Variants in CABCOCO1 observed in about 807,000 individuals in gnomAD.
The protein encoded by CABCOCO1 is ciliary-associated calcium-binding coiled-coil protein 1.
A neutral mutation model predicts 35.7 loss-of-function variants in CABCOCO1; 28 were observed. That is an observed-to-expected ratio of 0.78 (90% CI 0.58 to 1.07). The LOEUF is 1.07. Ranked by LOEUF, CABCOCO1 falls within the 50% of genes least tolerant of loss-of-function variation. The pLI is 0.00. For missense variants in CABCOCO1, 326 were observed against 309.2 expected, an observed-to-expected ratio of 1.05 and a Z score of -0.41; for synonymous variants, 95 against 100.1, an observed-to-expected ratio of 0.95 and a Z score of 0.30.
chr10:61,678,710 C>G (rs969860625), intron 2 of CABCOCO1, among the ~76,000 whole-genome samples: 8 of 152,214 alleles, frequency 5.3e-5, no homozygotes, highest in Admixed American at 2.0e-4. Context: ...CTTATTCACT[C>G]TTTCTTATTT....
At chr10:61,720,069 G>C (rs1039864747) in intron 5 of CABCOCO1, among the ~76,000 whole-genome samples, 2 of 152,022 alleles carry the variant, frequency 1.3e-5, no homozygotes, top group Non-Finnish European at 1.5e-5. Context: ...AGAACGAATG[G>C]AATAAAAAAT....
intron 5 of CABCOCO1, among the ~76,000 whole-genome samples, chr10:61,707,528 GGGA>G (rs1840623207): frequency 6.6e-6 from 1 of 152,136 alleles, no homozygotes; most frequent in South Asian, 2.1e-4. Flanking sequence ...TCCCTTATTG[GGGA>G]GGTTTTCATC....
intron 5 of CABCOCO1, among the ~76,000 whole-genome samples, chr10:61,755,268 T>C (rs964759203): frequency 6.6e-6 from 1 of 152,154 alleles, no homozygotes; most frequent in Non-Finnish European, 1.5e-5. Flanking sequence ...ATGTGCCATA[T>C]ATTGTGGGCA....
intron 7 of CABCOCO1, among the ~76,000 whole-genome samples, chr10:61,762,000 C>T (rs115846950): frequency 4.1e-4 from 62 of 152,166 alleles, no homozygotes; most frequent in African/African-American, 1.5e-3. Context: ...ACGTTTTACA[C>T]AAAGCTTTAT....
intron 5 of CABCOCO1, among the ~76,000 whole-genome samples, chr10:61,750,702 C>T (rs1841762470): frequency 6.6e-6 from 1 of 152,180 alleles, no homozygotes; most frequent in Admixed American, 6.5e-5. Context: ...TGCACTGATG[C>T]AACAATACAA....
intron 5 of CABCOCO1, among the ~76,000 whole-genome samples, chr10:61,715,020 T>C (rs200734481): frequency 6.6e-6 from 1 of 152,220 alleles, no homozygotes; most frequent in East Asian, 1.9e-4. Flanking sequence ...TGCAGATGTT[T>C]ATTAGGTCTG....
chr10:61,739,907 G>A (rs1318099212), intron 5 of CABCOCO1, among the ~76,000 whole-genome samples: 4 of 152,064 alleles, frequency 2.6e-5, no homozygotes, highest in Admixed American at 1.3e-4. Context: ...GCACCACTGC[G>A]CTCCAGCCTG....
intron 3 of CABCOCO1, among the ~76,000 whole-genome samples, chr10:61,682,889 C>CTTTTTTTTTTTTTTTT (rs71018993): frequency 7.8e-6 from 1 of 128,182 alleles, no homozygotes; most frequent in Non-Finnish European, 1.6e-5. Flanking sequence ...ACATGAATTT[C>CTTTTTTTTTTTTTTTT]TTTTTTTTTT....
chr10:61,693,280 C>A (rs1840203330), intron 5 of CABCOCO1, among the ~76,000 whole-genome samples: 1 of 152,066 alleles, frequency 6.6e-6, no homozygotes, highest in African/African-American at 2.4e-5. Flanking sequence ...ACCCTTGGTA[C>A]AAATACCTGT....
intron 5 of CABCOCO1, among the ~76,000 whole-genome samples, chr10:61,740,750 A>G (rs1027164193): frequency 6.6e-5 from 10 of 152,226 alleles, no homozygotes; most frequent in African/African-American, 2.2e-4. Context: ...ATAGTGGAAT[A>G]TGAAACGAAC....
chr10:61,732,517 T>C (rs768171641), intron 5 of CABCOCO1, among the ~76,000 whole-genome samples: 2 of 152,100 alleles, frequency 1.3e-5, no homozygotes, highest in Non-Finnish European at 2.9e-5. Context: ...CCTGCTGATA[T>C]AGCCCACTTT....
chr10:61,726,557 C>G (rs554995115), intron 5 of CABCOCO1, among the ~76,000 whole-genome samples: 2 of 151,516 alleles, frequency 1.3e-5, no homozygotes, highest in South Asian at 4.2e-4. Flanking sequence ...ACTTGTATTG[C>G]TTGAACTCTT....
rs543805565 is a variant in CABCOCO1, at chr10:61,665,081, A to C, written c.60+2049A>C. On this transcript the variant is annotated intron_variant, in intron 1 of 7. Coordinates refer to ENST00000648843, the MANE Select transcript of CABCOCO1 (RefSeq NM_001366906.2). Reference sequence around the variant, plus strand: ...TTCTTGCCAAGTCTGTCAGAAATAAATCATAAGCTTTCAGTAGTCTGACGT... The same window carrying C: ...TTCTTGCCAAGTCTGTCAGAAATAACTCATAAGCTTTCAGTAGTCTGACGT... Among the ~76,000 whole-genome samples, 6 of 152,334 alleles carry C rather than the reference A, an allele frequency of 3.9e-5. No homozygotes were observed. In the East Asian group the frequency reaches 9.6e-4, roughly 24 times the overall value.
intron 5 of CABCOCO1, among the ~76,000 whole-genome samples, chr10:61,704,541 T>C (rs966920974): frequency 2.6e-5 from 4 of 152,142 alleles, no homozygotes; most frequent in African/African-American, 9.7e-5. Flanking sequence ...CCTCCTCTAA[T>C]TGATCCCTGA....
chr10:61,713,756 T>C (rs1840789986), intron 5 of CABCOCO1, among the ~76,000 whole-genome samples: 1 of 152,358 alleles, frequency 6.6e-6, no homozygotes, highest in Non-Finnish European at 1.5e-5. Context: ...TTTCTGCATC[T>C]ATTGAGATAA....
At chr10:61,720,118 A>G (rs953021410) in intron 5 of CABCOCO1, among the ~76,000 whole-genome samples, 6 of 152,076 alleles carry the variant, frequency 3.9e-5, no homozygotes, top group Admixed American at 2.6e-4. Context: ...TGGGCAAGGA[A>G]GAAACGCAGG....
intron 5 of CABCOCO1, among the ~76,000 whole-genome samples, chr10:61,695,024 C>G (rs1589126781): frequency 1.3e-5 from 2 of 151,894 alleles, no homozygotes; most frequent in Non-Finnish European, 2.9e-5. Context: ...TTTTCATAAC[C>G]AGTGTTTGTC....
chr10:61,729,304 C>A (rs1221458817), intron 5 of CABCOCO1, among the ~76,000 whole-genome samples: 1 of 151,926 alleles, frequency 6.6e-6, no homozygotes, highest in Non-Finnish European at 1.5e-5. Flanking sequence ...GAATTATAAA[C>A]CCAGTTTAAG....
intron 5 of CABCOCO1, among the ~76,000 whole-genome samples, chr10:61,705,937 G>T (rs1038591354): frequency 5.9e-5 from 9 of 152,274 alleles, no homozygotes; most frequent in Non-Finnish European, 1.3e-4. Flanking sequence ...ATCCTTAAAA[G>T]TATCAAAGAC....
Sources: gnomAD v4.1 joint callset for allele counts (sites outside exome capture counted in the v4.1 genomes callset) on GRCh38, gnomAD v4.1.1 for gene constraint, MANE v1.5 for transcripts, NCBI Gene and HGNC (gene_info 2026-07-23, HGNC 2026-07-21) for gene names.